Variants in ZNF285 observed in about 807,000 individuals in gnomAD.
ZNF285 encodes the protein zinc finger protein 285.
In ZNF285, 4 loss-of-function variants were observed where a neutral mutation model predicts 6.2. The observed-to-expected ratio is 0.65, with a 90% CI of 0.32 to 1.49. The LOEUF (loss-of-function observed/expected upper bound fraction) is 1.49, where lower values mean the gene tolerates loss of function less well. ZNF285 is among the 40% of genes most tolerant of loss of function. The pLI, the probability that ZNF285 is intolerant of heterozygous loss-of-function variation, is 0.07. For synonymous variants in ZNF285, 240 were observed against 245.8 expected (o/e 0.98, Z 0.22); for missense variants, 695 against 708.8 (o/e 0.98, Z 0.22).
chr19:44,394,581 A>C, intron 2 of ZNF285: 1 of 577,704 alleles, frequency 1.7e-6, no homozygotes, highest in Non-Finnish European at 3.0e-6. Context: ...AATTTTAAAA[A>C]ATTAAAAAAA....
chr19:44,393,546 AT>A (rs1971232253), intron 2 of ZNF285, among the ~76,000 whole-genome samples: 1 of 152,074 alleles, frequency 6.6e-6, no homozygotes, highest in Non-Finnish European at 1.5e-5. Context: ...AGATGAGTAG[AT>A]TGCAAACATT....
In ZNF285 at chr19:44,386,860, CCA is replaced by C. The variant is rs759850311; in HGVS notation, c.1383_1384del (p.Cys461TrpfsTer7). On this transcript the variant is annotated frameshift_variant, in exon 4 of 4. Coordinates refer to ENST00000614994, the MANE Select transcript of ZNF285 (RefSeq NM_152354.6). LOFTEE classifies it low-confidence loss of function (END_TRUNC). ...AACAGAGCTATACGCAAAATCCTTT[CCA>C]CACACATTGCATTTGTATGGTTTCT... 261 of 1,614,238 alleles carry C rather than the reference CCA, an allele frequency of 1.6e-4. No individual in the cohort carries two copies. In the Middle Eastern group the frequency reaches 2.0e-3, roughly 12 times the overall value.
In ZNF285 at chr19:44,387,146, T is replaced by A. The variant is rs1568383944; in HGVS notation, c.1099A>T (p.Thr367Ser). 6.2e-7 allele frequency: 1 copy of A among 1,614,146 alleles called. No homozygotes were observed. Among genetic ancestry groups the A allele is most frequent in the Non-Finnish European group, 8.5e-7 (1 of 1,180,014 alleles). ...SLLCIHQGVH[T>S]GKKPYKCEEC... ...TCACATTTATAGGGCTTTTTCCCTGTGTGTACTCCCTGATGAATACAAAGA... is the reference window on the plus strand; with the variant it reads ...TCACATTTATAGGGCTTTTTCCCTGAGTGTACTCCCTGATGAATACAAAGA... Residue 367 changes from threonine (T) to serine (S), a missense_variant, in exon 4 of 4, where the codon ACA (threonine) becomes TCA (serine). By Grantham distance (58) the Thr-to-Ser change is moderately conservative. Coordinates refer to ENST00000614994, the MANE Select transcript of ZNF285 (RefSeq NM_152354.6).
Position 44,383,886 on chromosome 19 carries a change from T to C in ZNF285, c.*2586A>G, listed in dbSNP as rs1971034660. 1 of 152,152 alleles carries C rather than the reference T, an allele frequency of 6.6e-6. No homozygotes were observed. The highest frequency in any genetic ancestry group is 2.4e-5 in the African/African-American group (1 of 41,428). 9.4% of individuals were successfully genotyped at this position (152,152 alleles called of 1,614,324 possible). A position where few individuals can be genotyped will look rare whatever the true frequency, so the allele number is the denominator to read the frequency against. ...AGGAAAAGCAAACAATTTTGTGAAG[T>C]AGGGAGACATTCCTGTTAGCATCAT... On this transcript the variant is annotated 3_prime_UTR_variant, in exon 4 of 4. Coordinates refer to ENST00000614994, the MANE Select transcript of ZNF285 (RefSeq NM_152354.6).
chr19:44,389,941 GTTC>G (rs1237938435), intron 3 of ZNF285, among the ~76,000 whole-genome samples: 1 of 152,176 alleles, frequency 6.6e-6, no homozygotes, highest in Non-Finnish European at 1.5e-5. Context: ...TCAAATCCGA[GTTC>G]TTCTTATAAG....
chr19:44,389,281 AG>A (rs1971152620), intron 3 of ZNF285, among the ~76,000 whole-genome samples: 1 of 152,150 alleles, frequency 6.6e-6, no homozygotes. Flanking sequence ...TGGGATCCTA[AG>A]ATGGGTTCCA....
In ZNF285 at chr19:44,392,410, T is replaced by A; in HGVS notation, c.72A>T (p.Leu24=). ...ACAGGTTTATCTGGGCTTTATCCAATAGTGCCAGCTCTTCCTTGGTGAAGA... is the reference window on the plus strand; with the variant it reads ...ACAGGTTTATCTGGGCTTTATCCAAAAGTGCCAGCTCTTCCTTGGTGAAGA... ...AVVFTKEELA[L]LDKAQINLYQ... The change falls in exon 3 of 4, where the codon CTA becomes CTT. Residue 24 remains leucine (L), a synonymous_variant. Transcript: ENST00000614994. The A allele has an allele frequency of 6.2e-7, 1 of 1,613,852 alleles. No individual in the cohort carries two copies. The highest frequency in any genetic ancestry group is 8.5e-7 in the Non-Finnish European group (1 of 1,179,838).
chr19:44,386,760 G>A lies in ZNF285; in HGVS notation c.1485C>T (p.Tyr495=), dbSNP rs751066875. 10 of 1,614,188 alleles carry A rather than the reference G, an allele frequency of 6.2e-6. No homozygotes were observed. Among genetic ancestry groups the A allele is most frequent in the South Asian group, 2.2e-5 (2 of 91,084 alleles). The change falls in exon 4 of 4, where the codon TAC becomes TAT. Residue 495 remains tyrosine, a synonymous_variant. Coordinates refer to ENST00000614994, the MANE Select transcript of ZNF285 (RefSeq NM_152354.6). ...TTTGATGTAAGTGAAAATATGAACT[G>A]TAACTGAAGCACTTTCCACACACTT... ...KCEVCGKCFS[Y]SSYFHLHQRD...
At chr19:44,389,623 T>C (rs2571093) in intron 3 of ZNF285, among the ~76,000 whole-genome samples, 40,942 of 152,006 alleles carry the variant, frequency 0.27, 9,438 homozygotes, top group African/African-American at 0.6. Context: ...AATCTATTTT[T>C]TTTCTTTCTT....
intron 2 of ZNF285, chr19:44,396,951 ATGGAC>A (rs1404598787): frequency 5.7e-6 from 3 of 525,568 alleles, no homozygotes; most frequent in Non-Finnish European, 3.4e-6. Context: ...TAAGCAGTTC[ATGGAC>A]TGGTACTGAT....
In ZNF285 at chr19:44,388,713, G is replaced by A. The variant is rs562902428; in HGVS notation, c.143-611C>T. Among the ~76,000 whole-genome samples, 53 of 129,326 alleles carry A rather than the reference G, an allele frequency of 4.1e-4. 2 individuals carry two copies. In the South Asian group the frequency reaches 0.012, roughly 28 times the overall value. 84.8% of individuals were successfully genotyped at this position (129,326 alleles called of 152,430 possible). On this transcript the variant is annotated intron_variant, in intron 3 of 3. Coordinates refer to ENST00000614994, the MANE Select transcript of ZNF285 (RefSeq NM_152354.6). ...GGTATGGGAAAGGCTCCCATTTTAT[G>A]TAGTGTGTGTGTATATAAATAATAC...
intron 2 of ZNF285, 55 bp from the exon 3 acceptor site, chr19:44,392,521 T>C: frequency 6.2e-7 from 1 of 1,613,588 alleles, no homozygotes; most frequent in South Asian, 1.1e-5. Context: ...CTGGTCTTAG[T>C]CTGTTTGGGC....
intron 3 of ZNF285, chr19:44,392,063 T>C: frequency 1.3e-6 from 1 of 796,942 alleles, no homozygotes; most frequent in Non-Finnish European, 1.7e-6. Flanking sequence ...AATGAGAGCC[T>C]AAATGTGTGA....
intron 2 of ZNF285, chr19:44,394,642 C>A: frequency 2.0e-6 from 1 of 499,822 alleles, no homozygotes; most frequent in Non-Finnish European, 3.5e-6. Flanking sequence ...TCTATGGCTG[C>A]ATATATCGCA....
intron 1 of ZNF285, among the ~76,000 whole-genome samples, chr19:44,400,575 T>C (rs1401139887): frequency 6.6e-6 from 1 of 152,022 alleles, no homozygotes; most frequent in Non-Finnish European, 1.5e-5. Context: ...GGCAGTTCTT[T>C]TCTTTTCTTT....
Position 44,385,868 on chromosome 19 carries a change from A to T in ZNF285, c.*604T>A, listed in dbSNP as rs189636588. On this transcript the variant is annotated 3_prime_UTR_variant, in exon 4 of 4. Transcript: ENST00000614994. Reference sequence around the variant, plus strand: ...AACTCAATCACATGGGCACACTCTTAACTGCAAGGGTTACTGGGAAATAGA... The same window carrying T: ...AACTCAATCACATGGGCACACTCTTTACTGCAAGGGTTACTGGGAAATAGA... The T allele has an allele frequency of 6.5e-6, 1 of 154,390 alleles. No individual in the cohort carries two copies. The highest frequency in any genetic ancestry group is 2.4e-5 in the African/African-American group (1 of 41,568). 9.6% of individuals were successfully genotyped at this position (154,390 alleles called of 1,614,324 possible).
At chr19:44,399,326 T>C (rs991957230) in intron 1 of ZNF285, among the ~76,000 whole-genome samples, 1 of 142,886 alleles carries the variant, frequency 7.0e-6, no homozygotes, top group Non-Finnish European at 1.5e-5. Context: ...TACATCGTTT[T>C]ACAATAGTTA....
intron 3 of ZNF285, among the ~76,000 whole-genome samples, chr19:44,388,908 A>G (rs1053158503): frequency 1.4e-5 from 2 of 145,668 alleles, no homozygotes; most frequent in African/African-American, 5.6e-5. Context: ...ACAACTGTAC[A>G]TGATGAGCCT....
Position 44,383,530 on chromosome 19 carries a change from G to T in ZNF285, c.*2942C>A, listed in dbSNP as rs2123251437. The T allele has an allele frequency of 6.6e-6, 1 of 152,312 alleles. No homozygotes were observed. Among genetic ancestry groups the T allele is most frequent in the Non-Finnish European group, 1.5e-5 (1 of 68,032 alleles). The allele number at this position is 152,312 out of a possible 1,614,324, so 9.4% of individuals were successfully genotyped here. On this transcript the variant is annotated 3_prime_UTR_variant, in exon 4 of 4. Coordinates refer to ENST00000614994, the MANE Select transcript of ZNF285 (RefSeq NM_152354.6). ...GATGAACCATCAGCTGACTGCAGAT[G>T]CATGTACAAAGCCCAGTTAAGATAA...
Sources: allele counts gnomAD v4.1 joint callset (sites outside exome capture counted in the v4.1 genomes callset), GRCh38; gene constraint gnomAD v4.1.1; transcripts MANE v1.5; gene names NCBI Gene and HGNC (gene_info 2026-07-23, HGNC 2026-07-21).